The following RTN4 variants were observed in gnomAD, a reference collection of about 807,000 sequenced individuals.
RTN4 encodes reticulon-4.
A neutral mutation model predicts 90.4 loss-of-function variants in RTN4; 32 were observed. The observed-to-expected ratio is 0.35, with a 90% CI of 0.27 to 0.48. The LOEUF (loss-of-function observed/expected upper bound fraction) is 0.48, where lower values mean the gene tolerates loss of function less well. Among genes scored for constraint, RTN4 ranks in the 20% least tolerant of loss-of-function variants. The probability of loss-of-function intolerance (pLI) is 0.99; values close to 1 mark genes in which losing one functional copy is unlikely to be tolerated. For missense variants in RTN4, 1,706 were observed against 1,430.2 expected (o/e 1.19, Z -3.11); for synonymous variants, 629 against 552.5 (o/e 1.14, Z -1.94).
In RTN4 at chr2:55,050,003, C is replaced by CG. The variant is rs1278812267; in HGVS notation, c.297dup (p.Val100ArgfsTer36). On this transcript the variant is annotated frameshift_variant, in exon 1 of 9. Coordinates refer to ENST00000337526, the MANE Select transcript of RTN4 (RefSeq NM_020532.5). LOFTEE classifies it high-confidence loss of function. The surrounding 1 kb of genome is among the most constrained non-coding windows in gnomAD (Gnocchi z 4.6). ...CAAGACGGCTGCCGCTCCGGGGCGA[C>CG]GGGGGGAGCGGCCGGCAGGGGTCCC... The CG allele has an allele frequency of 7.3e-7, 1 of 1,376,712 alleles. No individual in the cohort carries two copies. The highest frequency in any genetic ancestry group is 3.7e-5 in the Admixed American group (1 of 27,188). 85.3% of individuals were successfully genotyped at this position (1,376,712 alleles called of 1,614,324 possible). A position where few individuals can be genotyped will look rare whatever the true frequency, so the allele number is the denominator to read the frequency against.
chr2:54,977,830 A>G (rs1677764953), intron 5 of RTN4, among the ~76,000 whole-genome samples: 1 of 152,214 alleles, frequency 6.6e-6, no homozygotes, highest in African/African-American at 2.4e-5. Flanking sequence ...AAAGGAGCAA[A>G]ACAAACGGAA....
chr2:54,980,775 T>C (rs867873340), intron 5 of RTN4, among the ~76,000 whole-genome samples: 1 of 152,212 alleles, frequency 6.6e-6, no homozygotes, highest in Non-Finnish European at 1.5e-5. Flanking sequence ...GTATTTCTTC[T>C]CAGTCAATTC....
chr2:55,032,160 A>T (rs1160540641), intron 1 of RTN4, among the ~76,000 whole-genome samples: 1 of 151,756 alleles, frequency 6.6e-6, no homozygotes, highest in African/African-American at 2.4e-5. Flanking sequence ...GGCTCACTGC[A>T]ACCTCCACCT....
chr2:55,120,918 C>T, the RTN4 span, among the ~76,000 whole-genome samples: 341 of 152,232 alleles, frequency 2.2e-3, no homozygotes, highest in African/African-American at 7.9e-3. Context: ...CCACAGGGGT[C>T]CCCAGGGTCT....
At chr2:55,057,331 T>C (rs1007175761) in intron 2 of RTN4, among the ~76,000 whole-genome samples, 6 of 146,340 alleles carry the variant, frequency 4.1e-5, no homozygotes, top group Admixed American at 2.0e-4. Context: ...TTCGGAGGCA[T>C]AGAAGGTACA....
At chr2:55,126,596 A>T in the RTN4 span, among the ~76,000 whole-genome samples, 1 of 152,218 alleles carries the variant, frequency 6.6e-6, no homozygotes, top group African/African-American at 2.4e-5. Context: ...AATTGATTCA[A>T]CCATTGTGGA....
At chr2:55,108,468 A>G (rs1345316397) in intron 1 of RTN4, among the ~76,000 whole-genome samples, 1 of 152,016 alleles carries the variant, frequency 6.6e-6, no homozygotes, top group Non-Finnish European at 1.5e-5. Flanking sequence ...GGTGAATGAT[A>G]ATATTGAGAA....
chr2:55,068,111 G>A lies in RTN4; in HGVS notation c.-63+12378C>T, dbSNP rs1239666635. 2.0e-5 allele frequency among the ~76,000 whole-genome samples: 3 copies of A among 152,192 alleles called. No individual in the cohort carries two copies. In the East Asian group the frequency reaches 5.8e-4, roughly 29 times the overall value. On this transcript the variant is annotated intron_variant, in intron 2 of 3. Coordinates refer to the RTN4 transcript ENST00000427710. The stretch of plus-strand genomic sequence containing the variant: ...TAAGCAGATATGTGGTTGGAAATGG[G>A]AAGAATATTTTAATGATTTTTTAAG...
chr2:55,028,128 T>A (rs748882307), intron 2 of RTN4, 36 bp downstream of exon 2: 2 of 1,586,692 alleles, frequency 1.3e-6, no homozygotes, highest in South Asian at 1.1e-5. Flanking sequence ...AAAGTTAGAA[T>A]ACAGAGAGGA....
intron 1 of RTN4, among the ~76,000 whole-genome samples, chr2:55,096,993 G>A (rs976372788): frequency 6.6e-5 from 10 of 151,696 alleles, no homozygotes; most frequent in Non-Finnish European, 1.0e-4. Context: ...GAGCAACTAG[G>A]CCAAAGCCCC....
intron 3 of RTN4, among the ~76,000 whole-genome samples, chr2:55,009,222 T>C (rs920806807): frequency 3.3e-5 from 5 of 152,272 alleles, no homozygotes; most frequent in Admixed American, 3.3e-4. Flanking sequence ...AAAAATTGCT[T>C]ACGTAGAATG....
At chr2:55,066,220 T>TGC (rs1299612393) in intron 2 of RTN4, among the ~76,000 whole-genome samples, 2 of 150,494 alleles carry the variant, frequency 1.3e-5, no homozygotes, top group African/African-American at 2.4e-5. Context: ...TGTGTGTGTG[T>TGC]GTATGTTTTA....
chr2:55,012,091 A>G (rs1365447942), intron 3 of RTN4, among the ~76,000 whole-genome samples: 1 of 152,208 alleles, frequency 6.6e-6, no homozygotes, highest in African/African-American at 2.4e-5. Flanking sequence ...ACACTCAACT[A>G]TAGTACTCAA....
At chr2:55,083,289 A>G (rs1668756236) in intron 1 of RTN4, among the ~76,000 whole-genome samples, 1 of 152,222 alleles carries the variant, frequency 6.6e-6, no homozygotes, top group African/African-American at 2.4e-5. Flanking sequence ...TGAGACCAGA[A>G]GTTTGAGACC....
chr2:54,976,913 G>A (rs773827799), intron 5 of RTN4, among the ~76,000 whole-genome samples: 4 of 152,172 alleles, frequency 2.6e-5, no homozygotes, highest in Non-Finnish European at 5.9e-5. Flanking sequence ...GCACAGTATC[G>A]AGACTGGAGG....
At chr2:55,013,224 CT>C (rs1680775098) in intron 3 of RTN4, among the ~76,000 whole-genome samples, 1 of 152,060 alleles carries the variant, frequency 6.6e-6, no homozygotes, top group African/African-American at 2.4e-5. Context: ...AAGTATTCTC[CT>C]TTTCCTGAAC....
chr2:55,117,635 G>C, the RTN4 span, among the ~76,000 whole-genome samples: 7 of 152,194 alleles, frequency 4.6e-5, no homozygotes, highest in Non-Finnish European at 1.0e-4. Context: ...TGTGTTAAAA[G>C]CTTCATGAAA....
Position 55,025,635 on chromosome 2 carries a change from A to T in RTN4, c.2464T>A (p.Leu822Met). ...AAAGGAATTTTCTCCTTTTTGCTCA[A>T]TGTTGAAACTTCATCAGGTAACAGG... ...DTLLPDEVST[L>M]SKKEKIPLQM... The change falls in exon 3 of 9, where the codon TTG (leucine) becomes ATG (methionine). Residue 822 changes from leucine to methionine, a missense_variant. Physicochemically the swap from Leu to Met is conservative, Grantham distance 15. Transcript: ENST00000337526. The T allele has an allele frequency of 6.2e-7, 1 of 1,613,654 alleles. No individual in the cohort carries two copies. The highest frequency in any genetic ancestry group is 2.2e-5 in the East Asian group (1 of 44,870).
At chr2:55,078,080 T>C (rs1668635993) in intron 2 of RTN4, among the ~76,000 whole-genome samples, 1 of 151,952 alleles carries the variant, frequency 6.6e-6, no homozygotes, top group African/African-American at 2.4e-5. Context: ...GTACAGTGTA[T>C]AGTGCTCAGG....
Sources: gnomAD v4.1 joint callset for allele counts (sites outside exome capture counted in the v4.1 genomes callset) on GRCh38, gnomAD v4.1.1 for gene constraint, Gnocchi (gnomAD v3.1) non-coding constraint, MANE v1.5 for transcripts, NCBI Gene and HGNC (gene_info 2026-07-23, HGNC 2026-07-21) for gene names.